Variants in FHIT observed in about 807,000 individuals in gnomAD.
FHIT encodes fragile histidine triad diadenosine triphosphatase, also known as bis(5'-adenosyl)-triphosphatase.
Under a neutral mutation model 17.9 loss-of-function variants are expected in FHIT, and 19 were observed. That is an observed-to-expected ratio of 1.06 (90% CI 0.74 to 1.56). The LOEUF (loss-of-function observed/expected upper bound fraction) is 1.56. Ranked by LOEUF, FHIT falls within the 40% of genes most tolerant of loss-of-function variation. The probability of loss-of-function intolerance (pLI) is 0.00; values close to 1 mark genes in which losing one functional copy is unlikely to be tolerated. For synonymous variants in FHIT, 81 were observed against 69.7 expected, an observed-to-expected ratio of 1.16 and a Z score of -0.81; for missense variants, 248 against 189.2, an observed-to-expected ratio of 1.31 and a Z score of -1.82.
At chr3:60,979,463 T>C (rs1710397492) in intron 3 of FHIT, among the ~76,000 whole-genome samples, 1 of 152,072 alleles carries the variant, frequency 6.6e-6, no homozygotes, top group East Asian at 1.9e-4. Context: ...GCTACTTTAT[T>C]GGGTGTAGTA....
intron 5 of FHIT, among the ~76,000 whole-genome samples, chr3:60,283,166 C>G (rs559537177): frequency 6.6e-6 from 1 of 152,062 alleles, no homozygotes; most frequent in African/African-American, 2.4e-5. Flanking sequence ...CATAAGCAAG[C>G]TAAAATTCCT....
chr3:59,857,705 G>GTTTTTGTTT (rs1553697955), intron 8 of FHIT, among the ~76,000 whole-genome samples: 3 of 115,402 alleles, frequency 2.6e-5, no homozygotes, highest in African/African-American at 1.1e-4. Context: ...AAAGTGCTGG[G>GTTTTTGTTT]TTTTTTTTTT....
intron 5 of FHIT, among the ~76,000 whole-genome samples, chr3:60,517,616 T>C (rs1474768281): frequency 6.6e-6 from 1 of 152,222 alleles, no homozygotes; most frequent in Admixed American, 6.5e-5. Context: ...ATTACAATAT[T>C]GCAGAAAGCA....
At chr3:60,481,672 G>C (rs1367536296) in intron 5 of FHIT, among the ~76,000 whole-genome samples, 5 of 152,158 alleles carry the variant, frequency 3.3e-5, no homozygotes, top group Non-Finnish European at 5.9e-5. Flanking sequence ...GATTCTGAAA[G>C]AAGCACTAAA....
At chr3:59,815,290 A>G (rs1282092547) in intron 8 of FHIT, among the ~76,000 whole-genome samples, 2 of 152,184 alleles carry the variant, frequency 1.3e-5, no homozygotes, top group Non-Finnish European at 2.9e-5. Flanking sequence ...GGGAATGTCA[A>G]CTAGTACAAC....
At chr3:60,883,503 G>A (rs981321460) in intron 3 of FHIT, among the ~76,000 whole-genome samples, 11 of 152,020 alleles carry the variant, frequency 7.2e-5, no homozygotes, top group African/African-American at 2.7e-4. Context: ...TCATGTTACT[G>A]GAGTAAAAAC....
intron 3 of FHIT, among the ~76,000 whole-genome samples, chr3:60,975,868 T>C (rs183319168): frequency 2.6e-5 from 4 of 152,132 alleles, no homozygotes; most frequent in African/African-American, 9.7e-5. Flanking sequence ...TAATTTGACA[T>C]ATATTCCACA....
rs527985627 is a variant in FHIT at position 60,455,088 on chromosome 3, A to G, written c.103+81772T>C. On this transcript the variant is annotated intron_variant, in intron 5 of 9. Coordinates refer to ENST00000492590, the MANE Select transcript of FHIT (RefSeq NM_002012.4). ...TCCTTATTTTTAAAAAACAATACTC[A>G]AATTCAAAATACAAATTAAGATGGG... Among the ~76,000 whole-genome samples the G allele has an allele frequency of 2.0e-5, 3 of 152,290 alleles. No homozygotes were observed. The East Asian group carries it at 5.8e-4, about 29-fold the overall frequency.
chr3:60,866,161 G>C (rs1474083503), intron 3 of FHIT, among the ~76,000 whole-genome samples: 3 of 152,142 alleles, frequency 2.0e-5, no homozygotes, highest in Non-Finnish European at 4.4e-5. Flanking sequence ...GAATGTACTT[G>C]ATACTTATTT....
chr3:60,655,518 ACAT>A (rs1559617708), intron 4 of FHIT, among the ~76,000 whole-genome samples: 1 of 152,202 alleles, frequency 6.6e-6, no homozygotes, highest in African/African-American at 2.4e-5. Flanking sequence ...GAAATGAGAC[ACAT>A]CATTTTATCT....
intron 2 of FHIT, among the ~76,000 whole-genome samples, chr3:61,124,719 C>T (rs2036559539): frequency 1.3e-5 from 2 of 152,116 alleles, no homozygotes; most frequent in South Asian, 4.1e-4. Context: ...TTAAGTATTA[C>T]TTCTTTTAAG....
At chr3:60,172,439 AT>A (rs563530884) in intron 5 of FHIT, among the ~76,000 whole-genome samples, 3,341 of 134,252 alleles carry the variant, frequency 0.025, 62 homozygotes, top group East Asian at 0.084. Context: ...CTAATTTTGT[AT>A]TTTTTTTTTT....
chr3:61,127,633 G>A (rs989548843), intron 2 of FHIT, among the ~76,000 whole-genome samples: 7 of 152,118 alleles, frequency 4.6e-5, no homozygotes, highest in Non-Finnish European at 8.8e-5. Flanking sequence ...GGGAGGCCGA[G>A]GTGGGTAGAT....
chr3:60,208,430 A>T (rs1703300667), intron 5 of FHIT, among the ~76,000 whole-genome samples: 1 of 152,208 alleles, frequency 6.6e-6, no homozygotes, highest in Non-Finnish European at 1.5e-5. Flanking sequence ...AGCATCATAT[A>T]AAAGTCAAAC....
At chr3:59,833,193 C>G (rs1701224740) in intron 8 of FHIT, among the ~76,000 whole-genome samples, 1 of 152,128 alleles carries the variant, frequency 6.6e-6, no homozygotes, top group African/African-American at 2.4e-5. Context: ...CCACCCCCAG[C>G]TTCAAATGGA....
intron 3 of FHIT, among the ~76,000 whole-genome samples, chr3:60,875,006 G>C (rs369216287): frequency 1.6e-3 from 247 of 152,212 alleles, no homozygotes; most frequent in Non-Finnish European, 2.9e-3. Context: ...ATAATATAGA[G>C]AATATTTTTA....
intron 1 of FHIT, among the ~76,000 whole-genome samples, chr3:61,226,080 G>T (rs1207770192): frequency 4.6e-5 from 7 of 152,080 alleles, no homozygotes; most frequent in Admixed American, 2.6e-4. Context: ...ACAGTTTATT[G>T]ATCTGGAATA....
rs190527846 is a variant in FHIT at position 61,243,618 on chromosome 3, A to G, written c.-213+7683T>C. Among the ~76,000 whole-genome samples the G allele has an allele frequency of 2.0e-5, 3 of 152,310 alleles. No individual in the cohort carries two copies. The East Asian group carries it at 5.8e-4, about 29-fold the overall frequency. On this transcript the variant is annotated intron_variant, in intron 1 of 9. Coordinates refer to ENST00000492590, the MANE Select transcript of FHIT (RefSeq NM_002012.4). ...TAAAAATGAGTGGTATTTTATCTGA[A>G]CAACTGTTTAAACCCTTTCAATAAC...
At chr3:61,009,541 G>C (rs962486524) in intron 3 of FHIT, among the ~76,000 whole-genome samples, 26 of 152,202 alleles carry the variant, frequency 1.7e-4, no homozygotes, top group African/African-American at 6.0e-4. Flanking sequence ...TCATATACTA[G>C]AGTTATTATA....
Sources: allele counts gnomAD v4.1 joint callset (sites outside exome capture counted in the v4.1 genomes callset), GRCh38; gene constraint gnomAD v4.1.1; transcripts MANE v1.5; gene names NCBI Gene and HGNC (gene_info 2026-07-23, HGNC 2026-07-21).